FMNL2: variants seen among roughly 807,000 people sequenced by gnomAD.
The protein encoded by FMNL2 is formin-like protein 2.
FMNL2 carries 51 observed loss-of-function variants against 130.2 expected under a neutral mutation model. The observed-to-expected ratio is 0.39, with a 90% CI of 0.31 to 0.49. The LOEUF (loss-of-function observed/expected upper bound fraction) is 0.49, where lower values mean the gene tolerates loss of function less well. FMNL2 is among the 20% of genes least tolerant of loss of function. FMNL2 has a pLI of 0.85. For synonymous variants in FMNL2, 465 were observed against 467.1 expected (o/e 1.00, Z 0.06); for missense variants, 977 against 1,316.2 (o/e 0.74, Z 3.99).
At chr2:152,592,153 G>A (rs1027111244) in intron 9 of FMNL2, among the ~76,000 whole-genome samples, 5 of 152,212 alleles carry the variant, frequency 3.3e-5, no homozygotes, top group African/African-American at 4.8e-5. Context: ...AGTTTGTATT[G>A]CCTTGAGAAA....
chr2:152,648,526 T>TATGA lies in FMNL2; in HGVS notation c.*625_*628dup, dbSNP rs1683811717. ...ATGCTCTGTGAGAGGCATTCACTAG[T>TATGA]ATGAATGTGGGGATATAGTGTATAA... On this transcript the variant is annotated 3_prime_UTR_variant, in exon 26 of 26. Coordinates refer to ENST00000288670, the MANE Select transcript of FMNL2 (RefSeq NM_052905.4). 2.0e-5 allele frequency: 3 copies of TATGA among 153,118 alleles called. No individual in the cohort carries two copies. In the South Asian group the frequency reaches 6.2e-4, roughly 31 times the overall value. 9.5% of individuals were successfully genotyped at this position (153,118 alleles called of 1,614,324 possible).
intron 1 of FMNL2, among the ~76,000 whole-genome samples, chr2:152,426,369 A>G (rs3811575): frequency 0.49 from 74,158 of 152,094 alleles, 20,261 homozygotes; most frequent in African/African-American, 0.74. Context: ...ATATAAGACA[A>G]TGGCCCCTCG....
At chr2:152,474,704 A>G (rs933116406) in intron 1 of FMNL2, among the ~76,000 whole-genome samples, 1 of 152,124 alleles carries the variant, frequency 6.6e-6, no homozygotes, top group Admixed American at 6.5e-5. Context: ...ACAAAAAACA[A>G]AAAACAGATG....
chr2:152,359,801 T>A (rs1317666679), intron 1 of FMNL2, among the ~76,000 whole-genome samples: 1 of 152,194 alleles, frequency 6.6e-6, no homozygotes, highest in Non-Finnish European at 1.5e-5. Context: ...CAAGAGTTGT[T>A]TTAATCTTCA....
intron 1 of FMNL2, among the ~76,000 whole-genome samples, chr2:152,438,169 C>G (rs941742193): frequency 1.3e-5 from 2 of 152,164 alleles, no homozygotes; most frequent in Admixed American, 1.3e-4. Flanking sequence ...TCAAATTTCT[C>G]TATACAAGCA....
chr2:152,515,021 G>A (rs549204567), intron 1 of FMNL2, among the ~76,000 whole-genome samples: 1 of 152,230 alleles, frequency 6.6e-6, no homozygotes, highest in East Asian at 1.9e-4. Flanking sequence ...CTGAGATTTA[G>A]TATAAATAAC....
chr2:152,584,071 C>T (rs1167216847), intron 9 of FMNL2, among the ~76,000 whole-genome samples: 1 of 152,114 alleles, frequency 6.6e-6, no homozygotes, highest in Non-Finnish European at 1.5e-5. Context: ...CAATGCCGCT[C>T]ACAGCTCAAA....
intron 3 of FMNL2, among the ~76,000 whole-genome samples, chr2:152,546,301 A>G (rs1307058585): frequency 6.6e-6 from 1 of 152,112 alleles, no homozygotes; most frequent in Non-Finnish European, 1.5e-5. Context: ...TGGTGCTGGC[A>G]TTTGCTTCTA....
At chr2:152,567,231 T>C (rs2105638338) in intron 6 of FMNL2, among the ~76,000 whole-genome samples, 1 of 152,078 alleles carries the variant, frequency 6.6e-6, no homozygotes. Context: ...TAATGAAAAA[T>C]AAGAAAAATC....
intron 1 of FMNL2, among the ~76,000 whole-genome samples, chr2:152,418,216 T>G (rs1437128511): frequency 6.6e-6 from 1 of 152,196 alleles, no homozygotes; most frequent in African/African-American, 2.4e-5. Flanking sequence ...TACCCCTTAG[T>G]CCATTGCATT....
At chr2:152,642,532 A>G (rs1683187183) in intron 25 of FMNL2, among the ~76,000 whole-genome samples, 1 of 152,232 alleles carries the variant, frequency 6.6e-6, no homozygotes, top group East Asian at 1.9e-4. Flanking sequence ...GCAGTGGCTT[A>G]TAGATGCCCC....
chr2:152,567,542 C>T (rs140025169), intron 6 of FMNL2, among the ~76,000 whole-genome samples: 384 of 152,282 alleles, frequency 2.5e-3, no homozygotes, highest in Non-Finnish European at 4.5e-3. Flanking sequence ...CAGAAAACTG[C>T]CTGGCCCCTT....
chr2:152,478,874 G>A (rs1179393379), intron 1 of FMNL2, among the ~76,000 whole-genome samples: 1 of 152,032 alleles, frequency 6.6e-6, no homozygotes, highest in Non-Finnish European at 1.5e-5. Context: ...TTTGTGACCT[G>A]GTGAATTTCA....
rs937295364 is a variant in FMNL2, at chr2:152,649,123, T to A, written c.*1218T>A. On this transcript the variant is annotated 3_prime_UTR_variant, in exon 26 of 26. Transcript: ENST00000288670. ...AATATATTAATTGTAAAGTTTATTGTATAGTATTTAACCGCTGAAGTTCCT... is the reference window on the plus strand; with the variant it reads ...AATATATTAATTGTAAAGTTTATTGAATAGTATTTAACCGCTGAAGTTCCT... The A allele has an allele frequency of 2.8e-4, 43 of 152,744 alleles. No individual in the cohort carries two copies. The highest frequency in any genetic ancestry group is 1.0e-3 in the African/African-American group (42 of 41,582). The allele number at this position is 152,744 out of a possible 1,614,324, so 9.5% of individuals were successfully genotyped here.
intron 6 of FMNL2, among the ~76,000 whole-genome samples, chr2:152,568,130 A>G (rs1273599218): frequency 6.6e-6 from 1 of 152,230 alleles, no homozygotes; most frequent in African/African-American, 2.4e-5. Flanking sequence ...AAATGTCTAG[A>G]AATAAGTGTA....
At position 152,649,776 on chromosome 2, in the gene FMNL2, T is replaced by C. The variant is rs1364593936; in HGVS notation, c.*1871T>C. On this transcript the variant is annotated 3_prime_UTR_variant, in exon 26 of 26. Transcript: ENST00000288670. ...TTTATAAAAGCAATTCATGTTACTT[T>C]TCTGGTCTTTTCATGGCATATGAGC... 2 of 152,678 alleles carry C rather than the reference T, an allele frequency of 1.3e-5. No individual in the cohort carries two copies. Among genetic ancestry groups the C allele is most frequent in the Non-Finnish European group, 2.9e-5 (2 of 68,046 alleles). The allele number at this position is 152,678 out of a possible 1,614,324, so 9.5% of individuals were successfully genotyped here.
At chr2:152,417,098 G>T (rs59551806) in intron 1 of FMNL2, among the ~76,000 whole-genome samples, 47,316 of 151,788 alleles carry the variant, frequency 0.31, 7,713 homozygotes, top group Middle Eastern at 0.44. Flanking sequence ...ACTTCTACAC[G>T]ATTACTTATC....
chr2:152,594,999 G>T (rs1180159698), intron 9 of FMNL2, among the ~76,000 whole-genome samples: 1 of 152,112 alleles, frequency 6.6e-6, no homozygotes, highest in South Asian at 2.1e-4. Flanking sequence ...TGCGTCACAG[G>T]GGAGTGGAAA....
chr2:152,539,950 C>T (rs560519459), intron 2 of FMNL2, among the ~76,000 whole-genome samples: 8 of 152,054 alleles, frequency 5.3e-5, no homozygotes, highest in Non-Finnish European at 8.8e-5. Flanking sequence ...ATTAGCTGGG[C>T]GTGGTTGCCT....
Sources: allele counts gnomAD v4.1 joint callset (sites outside exome capture counted in the v4.1 genomes callset), GRCh38; gene constraint gnomAD v4.1.1; transcripts MANE v1.5; gene names NCBI Gene and HGNC (gene_info 2026-07-23, HGNC 2026-07-21).